The following GABRB3 variants were observed in gnomAD, a reference collection of about 807,000 sequenced individuals.
GABRB3 encodes the protein gamma-aminobutyric acid type A receptor subunit beta3.
GABRB3 carries 14 observed loss-of-function variants against 52.1 expected under a neutral mutation model. The ratio of observed to expected loss-of-function variants is 0.27; its 90% CI spans 0.18 to 0.42. GABRB3 has a LOEUF of 0.42. GABRB3 is among the 10% of genes least tolerant of loss of function. The pLI is 1.00. For synonymous variants in GABRB3, 260 were observed against 232.3 expected (o/e 1.12, Z -1.08); for missense variants, 307 against 609.1 (o/e 0.50, Z 5.22).
At chr15:26,585,119 G>A (rs985500466) in intron 4 of GABRB3, among the ~76,000 whole-genome samples, 1 of 152,182 alleles carries the variant, frequency 6.6e-6, no homozygotes, top group African/African-American at 2.4e-5. Flanking sequence ...GCCACAGCGG[G>A]TGGCCTTGCT....
Position 26,621,676 on chromosome 15 carries a change from G to C in GABRB3, c.241-142C>G, listed in dbSNP as rs1297857463. The C allele has an allele frequency of 1.5e-6, 1 of 665,216 alleles. No homozygotes were observed. The highest frequency in any genetic ancestry group is 2.6e-6 in the Non-Finnish European group (1 of 381,558). 41.2% of individuals were successfully genotyped at this position (665,216 alleles called of 1,614,324 possible). A position where few individuals can be genotyped will look rare whatever the true frequency, so the allele number is the denominator to read the frequency against. On this transcript the variant is annotated intron_variant, in intron 3 of 8. Transcript: ENST00000311550. This position sits in a 1 kb window ranked among gnomAD's most constrained non-coding sequence, Gnocchi z 4.1. Reference sequence around the variant, plus strand: ...CGGATGCCATTTTTATGCAGAATGGGAAGCAATGGCTGCTTTCTTGTGAAT... The same window carrying C: ...CGGATGCCATTTTTATGCAGAATGGCAAGCAATGGCTGCTTTCTTGTGAAT...
chr15:26,728,589 C>T (rs912894480), intron 3 of GABRB3, among the ~76,000 whole-genome samples: 49 of 152,178 alleles, frequency 3.2e-4, no homozygotes, highest in African/African-American at 1.1e-3. Context: ...ACACAGCACA[C>T]GCTGCCAACA....
chr15:26,593,962 T>A (rs1265910094), intron 4 of GABRB3, among the ~76,000 whole-genome samples: 1 of 117,350 alleles, frequency 8.5e-6, no homozygotes, highest in Non-Finnish European at 1.7e-5. Flanking sequence ...TTTGACAACA[T>A]TTGTTCTTCT....
intron 3 of GABRB3, among the ~76,000 whole-genome samples, chr15:26,632,927 C>G (rs935929804): frequency 8.5e-5 from 13 of 152,144 alleles, no homozygotes; most frequent in South Asian, 2.1e-4. Context: ...GGGCCAGTCA[C>G]CCCTGAAAGA....
At chr15:26,656,244 T>G (rs1191113724) in intron 3 of GABRB3, among the ~76,000 whole-genome samples, 1 of 152,152 alleles carries the variant, frequency 6.6e-6, no homozygotes, top group Non-Finnish European at 1.5e-5. Flanking sequence ...CCAGTTGTCG[T>G]CTCTCATTTC....
At chr15:26,551,774 C>T (rs1350420612) in intron 8 of GABRB3, among the ~76,000 whole-genome samples, 1 of 152,124 alleles carries the variant, frequency 6.6e-6, no homozygotes, top group Admixed American at 6.5e-5. Flanking sequence ...CCTCATCTGT[C>T]CTCCACTAGA....
At chr15:26,748,005 C>G (rs1391809742) in intron 3 of GABRB3, among the ~76,000 whole-genome samples, 1 of 114,608 alleles carries the variant, frequency 8.7e-6, no homozygotes, top group Non-Finnish European at 1.6e-5. Flanking sequence ...TTTAGCCTGT[C>G]AATACTGTGG....
chr15:26,747,462 ACTT>A (rs1490033443), intron 3 of GABRB3, among the ~76,000 whole-genome samples: 1 of 152,192 alleles, frequency 6.6e-6, no homozygotes, highest in African/African-American at 2.4e-5. Flanking sequence ...ATACCTAAGT[ACTT>A]CATTTTCTTA....
At chr15:26,701,907 T>C (rs761457686) in intron 3 of GABRB3, among the ~76,000 whole-genome samples, 11 of 152,196 alleles carry the variant, frequency 7.2e-5, no homozygotes, top group Non-Finnish European at 1.6e-4. Context: ...AAACAGAATA[T>C]AGTGTCCAGA....
chr15:26,758,216 A>G (rs1441346878), intron 3 of GABRB3, among the ~76,000 whole-genome samples: 1 of 152,170 alleles, frequency 6.6e-6, no homozygotes, highest in Non-Finnish European at 1.5e-5. Flanking sequence ...GGTTCCTATT[A>G]ATATGGCAGC....
At chr15:26,699,026 G>A (rs1421800394) in intron 3 of GABRB3, among the ~76,000 whole-genome samples, 7 of 152,096 alleles carry the variant, frequency 4.6e-5, no homozygotes, top group South Asian at 2.1e-4. Context: ...AGTGTGATGA[G>A]CGTTTGATTT....
intron 4 of GABRB3, among the ~76,000 whole-genome samples, chr15:26,585,172 T>C (rs1346422668): frequency 6.6e-6 from 1 of 152,202 alleles, no homozygotes; most frequent in Non-Finnish European, 1.5e-5. Context: ...TCTGAAAGCC[T>C]GTGCAGGAGT....
intron 3 of GABRB3, among the ~76,000 whole-genome samples, chr15:26,718,060 T>C (rs2140138698): frequency 6.6e-6 from 1 of 152,346 alleles, no homozygotes; most frequent in East Asian, 1.9e-4. Flanking sequence ...ATAACCTATC[T>C]ATGGCAGCAC....
rs1890221274 is a variant in GABRB3 at position 26,567,462 on chromosome 15, A to G, written c.835+119T>C. 5 of 892,328 alleles carry G rather than the reference A, an allele frequency of 5.6e-6. No individual in the cohort carries two copies. In the South Asian group the frequency reaches 5.6e-5, roughly 10 times the overall value. The allele number at this position is 892,328 out of a possible 1,614,324, so 55.3% of individuals were successfully genotyped here. On this transcript the variant is annotated intron_variant, in intron 7 of 8. Transcript: ENST00000311550. ...GTTTCAAGATAAAAAGTGACTATAC[A>G]GGCAATGCTTGTGTCACGCTGTCAA... is the stretch of plus-strand genomic sequence containing the variant.
intron 3 of GABRB3, among the ~76,000 whole-genome samples, chr15:26,672,979 C>T (rs1887945667): frequency 6.6e-6 from 1 of 151,672 alleles, no homozygotes; most frequent in South Asian, 2.1e-4. Context: ...GTCATACTTA[C>T]TTATCAAAAG....
At chr15:26,645,296 A>G (rs992124559) in intron 3 of GABRB3, among the ~76,000 whole-genome samples, 2 of 152,130 alleles carry the variant, frequency 1.3e-5, no homozygotes, top group African/African-American at 4.8e-5. Context: ...TCTTTTGGTC[A>G]TTTTCTGTTT....
At chr15:26,636,420 A>G (rs1893063727) in intron 3 of GABRB3, among the ~76,000 whole-genome samples, 1 of 152,036 alleles carries the variant, frequency 6.6e-6, no homozygotes, top group South Asian at 2.1e-4. Flanking sequence ...TCCGACCTAA[A>G]TGGCTCATCT....
At chr15:26,702,703 T>C (rs1052215670) in intron 3 of GABRB3, among the ~76,000 whole-genome samples, 1 of 152,190 alleles carries the variant, frequency 6.6e-6, no homozygotes, top group Non-Finnish European at 1.5e-5. Context: ...AATACACCCC[T>C]GAGTATTTAC....
At chr15:26,663,238 C>T (rs1211304498) in intron 3 of GABRB3, among the ~76,000 whole-genome samples, 1 of 152,192 alleles carries the variant, frequency 6.6e-6, no homozygotes, top group African/African-American at 2.4e-5. Flanking sequence ...CTGGCAATGA[C>T]TGACGTATTC....
Sources: allele counts gnomAD v4.1 joint callset (sites outside exome capture counted in the v4.1 genomes callset), GRCh38; gene constraint gnomAD v4.1.1; non-coding constraint Gnocchi (gnomAD v3.1); transcripts MANE v1.5; gene names NCBI Gene and HGNC (gene_info 2026-07-23, HGNC 2026-07-21).